The following ARHGEF28 variants were observed in gnomAD, a reference collection of about 807,000 sequenced individuals.
ARHGEF28 encodes the protein 190 kDa guanine nucleotide exchange factor.
Under a neutral mutation model 206.6 loss-of-function variants are expected in ARHGEF28, and 152 were observed. The observed-to-expected ratio is 0.74, with a 90% CI of 0.64 to 0.84. ARHGEF28 has a LOEUF of 0.84. Among genes scored for constraint, ARHGEF28 ranks in the 40% least tolerant of loss-of-function variants. The pLI, the probability that ARHGEF28 is intolerant of heterozygous loss-of-function variation, is 0.00. For missense variants in ARHGEF28, 2,028 were observed against 2,073.2 expected (o/e 0.98, Z 0.42); for synonymous variants, 763 against 776.4 (o/e 0.98, Z 0.29).
intron 35 of ARHGEF28, 171 bp downstream of exon 35, chr5:73,911,746 CT>C: frequency 2.8e-6 from 2 of 709,266 alleles, no homozygotes; most frequent in Non-Finnish European, 4.5e-6. Flanking sequence ...TGGGGACAGC[CT>C]TTGCTTGTAA....
At chr5:73,853,980 A>G (rs1342974289) in intron 14 of ARHGEF28, among the ~76,000 whole-genome samples, 1 of 152,194 alleles carries the variant, frequency 6.6e-6, no homozygotes, top group Admixed American at 6.5e-5. Context: ...CTTTGATGGC[A>G]TCTTTATGAA....
intron 22 of ARHGEF28, among the ~76,000 whole-genome samples, chr5:73,878,552 G>A (rs1363128975): frequency 2.0e-5 from 3 of 151,668 alleles, no homozygotes; most frequent in Non-Finnish European, 4.4e-5. Flanking sequence ...TGATTTTGCA[G>A]CGGCTGGTAC....
chr5:73,832,346 T>A lies in ARHGEF28; in HGVS notation c.1033T>A (p.Phe345Ile). 1.2e-6 allele frequency: 2 copies of A among 1,612,758 alleles called. No homozygotes were observed. Among genetic ancestry groups the A allele is most frequent in the Non-Finnish European group, 1.7e-6 (2 of 1,179,342 alleles). ...TCATTTTTGTACTCTAGATCGCTCC[T>A]TCGATATCCTAAAAAAATCCAAGCC... ...DQHSLDLDRS[F>I]DILKKSKPPS... Residue 345 changes from phenylalanine to isoleucine, a missense_variant, in exon 10 of 36, where the codon TTC (phenylalanine) becomes ATC (isoleucine). Physicochemically the swap from Phe to Ile is conservative, Grantham distance 21. Around this residue, in one of 3 missense-constraint regions of ARHGEF28, gnomAD observed 1,002 missense variants for 1,015.3 expected, o/e 0.99. Transcript: ENST00000513042.
chr5:73,893,305 T>G lies in ARHGEF28; in HGVS notation c.3658+17T>G. 1.3e-6 allele frequency: 2 copies of G among 1,528,346 alleles called. No homozygotes were observed. The highest frequency in any genetic ancestry group is 1.8e-6 in the Non-Finnish European group (2 of 1,135,864). The allele number at this position is 1,528,346 out of a possible 1,614,324, so 94.7% of individuals were successfully genotyped here. ...AATGTCAAGGTACAGTGCAGGCACT[T>G]CTGGCTCCCTGGTCGTGGTGTTCTC... On this transcript the variant is annotated intron_variant, in intron 28 of 35. Transcript: ENST00000513042.
rs1580577421 is a variant in ARHGEF28 at position 73,758,643 on chromosome 5, C to T, written c.475+5441C>T. 2.6e-5 allele frequency among the ~76,000 whole-genome samples: 4 copies of T among 152,218 alleles called. No individual in the cohort carries two copies. The South Asian group carries it at 8.3e-4, about 32-fold the overall frequency. The stretch of plus-strand genomic sequence containing the variant: ...TGATATTGGTTCACTGTGACCTCTG[C>T]CTCCCGGATTCAAATGATTCTCCTG... On this transcript the variant is annotated intron_variant, in intron 4 of 35. Transcript: ENST00000513042.
chr5:73,888,907 A>G (rs914864246), intron 26 of ARHGEF28, among the ~76,000 whole-genome samples: 1 of 152,194 alleles, frequency 6.6e-6, no homozygotes, highest in Non-Finnish European at 1.5e-5. Flanking sequence ...GTGTTTGGCT[A>G]TACTGATACT....
intron 2 of ARHGEF28, among the ~76,000 whole-genome samples, chr5:73,715,259 G>T (rs1279319338): frequency 6.6e-6 from 1 of 152,224 alleles, no homozygotes; most frequent in Non-Finnish European, 1.5e-5. Flanking sequence ...GTCTGGCTCT[G>T]GTGCTGTTGC....
rs1753374912 is a variant in ARHGEF28 at position 73,773,767 on chromosome 5, G to T, written c.476-88G>T. 4.9e-6 allele frequency: 6 copies of T among 1,229,072 alleles called. No individual in the cohort carries two copies. In the East Asian group the frequency reaches 1.6e-4, roughly 32 times the overall value. 76.1% of individuals were successfully genotyped at this position (1,229,072 alleles called of 1,614,324 possible). A position where few individuals can be genotyped will look rare whatever the true frequency, so the allele number is the denominator to read the frequency against. On this transcript the variant is annotated intron_variant, in intron 4 of 35. Coordinates refer to ENST00000513042, the MANE Select transcript of ARHGEF28 (RefSeq NM_001177693.2). Reference sequence around the variant, plus strand: ...CTTCCAACTCTGACATTCTTATTATGTCTAAATACACTGTCCCTTTGATAA... The same window carrying T: ...CTTCCAACTCTGACATTCTTATTATTTCTAAATACACTGTCCCTTTGATAA...
chr5:73,850,149 G>C (rs945486867), intron 13 of ARHGEF28, among the ~76,000 whole-genome samples: 2 of 150,812 alleles, frequency 1.3e-5, no homozygotes, highest in Non-Finnish European at 2.9e-5. Context: ...GCTTGAAACA[G>C]CTATCCTAGA....
intron 1 of ARHGEF28, among the ~76,000 whole-genome samples, chr5:73,639,396 A>C (rs1561301741): frequency 6.6e-6 from 1 of 151,848 alleles, no homozygotes; most frequent in Non-Finnish European, 1.5e-5. Context: ...TGTTGAGAAC[A>C]TTCATATGTT....
intron 1 of ARHGEF28, among the ~76,000 whole-genome samples, chr5:73,671,689 C>A (rs889017014): frequency 9.2e-5 from 10 of 108,452 alleles, no homozygotes; most frequent in Non-Finnish European, 1.4e-4. Context: ...TTTCATTGAA[C>A]TTGATTATAT....
chr5:73,631,911 TC>T (rs1743390870), intron 1 of ARHGEF28, among the ~76,000 whole-genome samples: 1 of 152,166 alleles, frequency 6.6e-6, no homozygotes, highest in Admixed American at 6.5e-5. Flanking sequence ...TGTGCTGCTT[TC>T]CCTTTTGAAC....
chr5:73,781,100 C>T (rs1458407594), intron 7 of ARHGEF28, among the ~76,000 whole-genome samples: 2 of 152,140 alleles, frequency 1.3e-5, no homozygotes, highest in Non-Finnish European at 2.9e-5. Flanking sequence ...TTAGTTTCTT[C>T]CACCTTTGTG....
chr5:73,936,594 G>T (rs1764431370), intron 35 of ARHGEF28, among the ~76,000 whole-genome samples: 1 of 152,188 alleles, frequency 6.6e-6, no homozygotes, highest in Non-Finnish European at 1.5e-5. Context: ...CCTTAATGAT[G>T]ATTTCAGTTC....
chr5:73,923,373 C>A (rs1763626983), intron 35 of ARHGEF28, among the ~76,000 whole-genome samples: 1 of 152,140 alleles, frequency 6.6e-6, no homozygotes, highest in African/African-American at 2.4e-5. Context: ...GAATATGGAG[C>A]AAAAAGCCTA....
At chr5:73,935,668 T>G (rs1456982672) in intron 35 of ARHGEF28, among the ~76,000 whole-genome samples, 1 of 152,166 alleles carries the variant, frequency 6.6e-6, no homozygotes, top group African/African-American at 2.4e-5. Flanking sequence ...ATAACTTATA[T>G]TACAGAGTTG....
chr5:73,741,385 GTATATATATATATATATATATATA>G (rs67973637), intron 2 of ARHGEF28, among the ~76,000 whole-genome samples: 1,289 of 21,392 alleles, frequency 0.06, 33 homozygotes, highest in South Asian at 0.078. Flanking sequence ...GTGTGTGTGT[GTATATATATATATATATATATATA>G]TATATATATA....
At chr5:73,749,513 T>C (rs1751915068) in intron 2 of ARHGEF28, among the ~76,000 whole-genome samples, 1 of 152,144 alleles carries the variant, frequency 6.6e-6, no homozygotes, top group South Asian at 2.1e-4. Flanking sequence ...AAAATAATTT[T>C]TGAAAAGCAA....
At chr5:73,650,209 T>G (rs1017957332) in intron 1 of ARHGEF28, among the ~76,000 whole-genome samples, 2 of 151,912 alleles carry the variant, frequency 1.3e-5, no homozygotes, top group Admixed American at 1.3e-4. Flanking sequence ...GTTTTAGAGC[T>G]GCAAGTAATC....
Sources: gnomAD v4.1 joint callset for allele counts (sites outside exome capture counted in the v4.1 genomes callset) on GRCh38, gnomAD v4.1.1 for gene constraint, gnomAD v4.1.1 regional missense constraint, MANE v1.5 for transcripts, NCBI Gene and HGNC (gene_info 2026-07-23, HGNC 2026-07-21) for gene names.